Variants in ZNF804B observed in about 807,000 individuals in gnomAD.
The protein encoded by ZNF804B is zinc finger 804B.
Under a neutral mutation model 101.4 loss-of-function variants are expected in ZNF804B, and 80 were observed. The observed-to-expected ratio is 0.79, with a 90% CI of 0.66 to 0.95. ZNF804B has a LOEUF of 0.95. Among genes scored for constraint, ZNF804B ranks in the 40% least tolerant of loss-of-function variants. The pLI, the probability that ZNF804B is intolerant of heterozygous loss-of-function variation, is 0.00. For synonymous variants in ZNF804B, 622 were observed against 558.8 expected (o/e 1.11, Z -1.59); for missense variants, 1,673 against 1,561.9 (o/e 1.07, Z -1.20).
chr7:88,906,489 G>A (rs963557628), intron 1 of ZNF804B, among the ~76,000 whole-genome samples: 1 of 152,034 alleles, frequency 6.6e-6, no homozygotes, highest in Non-Finnish European at 1.5e-5. Context: ...TAATTGTAAT[G>A]TTCACCCAGG....
At chr7:88,790,157 T>C (rs1047415437) in intron 1 of ZNF804B, among the ~76,000 whole-genome samples, 3 of 152,274 alleles carry the variant, frequency 2.0e-5, no homozygotes, top group Admixed American at 1.3e-4. Flanking sequence ...CGCTGTTATA[T>C]GAATATTAAA....
At chr7:88,889,322 G>T (rs1023131531) in intron 1 of ZNF804B, among the ~76,000 whole-genome samples, 2 of 152,062 alleles carry the variant, frequency 1.3e-5, no homozygotes, top group African/African-American at 4.8e-5. Context: ...TAATGAGATT[G>T]CTGGGTCCAA....
At chr7:88,900,930 G>A in intron 1 of ZNF804B, among the ~76,000 whole-genome samples, 1 of 151,560 alleles carries the variant, frequency 6.6e-6, no homozygotes, top group African/African-American at 2.4e-5. Context: ...AATAGCCGTA[G>A]TACATACAGA....
intron 1 of ZNF804B, among the ~76,000 whole-genome samples, chr7:88,803,991 G>A (rs1288470349): frequency 6.6e-6 from 1 of 152,020 alleles, no homozygotes; most frequent in Non-Finnish European, 1.5e-5. Flanking sequence ...GGCTTATGAA[G>A]GTCACTGCAG....
chr7:89,269,052 A>G (rs901828027), intron 2 of ZNF804B, among the ~76,000 whole-genome samples: 11 of 151,708 alleles, frequency 7.3e-5, no homozygotes, highest in Non-Finnish European at 1.3e-4. Context: ...TATTTTTTCA[A>G]ATTAACATGT....
intron 1 of ZNF804B, among the ~76,000 whole-genome samples, chr7:89,153,987 T>G (rs1790917018): frequency 1.3e-5 from 2 of 152,034 alleles, no homozygotes; most frequent in South Asian, 4.1e-4. Flanking sequence ...CATCACCTTT[T>G]AAAAATTATT....
chr7:88,984,898 G>A (rs1410839771), intron 1 of ZNF804B, among the ~76,000 whole-genome samples: 2 of 151,772 alleles, frequency 1.3e-5, no homozygotes. Flanking sequence ...GAGACATGTA[G>A]GCATGCAATA....
At chr7:89,016,243 TGTCAGATGA>T (rs926996023) in intron 1 of ZNF804B, among the ~76,000 whole-genome samples, 1 of 152,206 alleles carries the variant, frequency 6.6e-6, no homozygotes, top group African/African-American at 2.4e-5. Flanking sequence ...ATTAGCGCTT[TGTCAGATGA>T]GTAGGTTGCA....
At chr7:89,178,037 C>T (rs1407852698) in intron 1 of ZNF804B, among the ~76,000 whole-genome samples, 2 of 151,532 alleles carry the variant, frequency 1.3e-5, no homozygotes, top group Admixed American at 1.3e-4. Flanking sequence ...ACATTTTTGT[C>T]TCCTTTTTTG....
intron 1 of ZNF804B, among the ~76,000 whole-genome samples, chr7:88,848,968 G>A (rs558497162): frequency 8.1e-4 from 123 of 152,212 alleles, no homozygotes; most frequent in African/African-American, 2.6e-3. Flanking sequence ...TTTTCCAGCC[G>A]TGTGTTAGAT....
intron 2 of ZNF804B, among the ~76,000 whole-genome samples, chr7:89,305,271 C>T (rs1360967027): frequency 2.0e-5 from 3 of 151,850 alleles, no homozygotes; most frequent in Admixed American, 6.6e-5. Context: ...AAACAGTGGC[C>T]ACCAGTCAAT....
intron 2 of ZNF804B, among the ~76,000 whole-genome samples, chr7:89,273,827 A>G (rs1789935363): frequency 6.6e-6 from 1 of 152,170 alleles, no homozygotes; most frequent in Non-Finnish European, 1.5e-5. Context: ...TAAACAAAAC[A>G]AGGCTTTGGC....
chr7:89,094,428 C>G (rs897707597), intron 1 of ZNF804B, among the ~76,000 whole-genome samples: 4 of 152,050 alleles, frequency 2.6e-5, no homozygotes, highest in Non-Finnish European at 5.9e-5. Flanking sequence ...GAAAGTCTAC[C>G]TTTCTTACGC....
chr7:88,890,875 G>A (rs980994534), intron 1 of ZNF804B, among the ~76,000 whole-genome samples: 1 of 151,874 alleles, frequency 6.6e-6, no homozygotes, highest in Non-Finnish European at 1.5e-5. Flanking sequence ...TACAAATCAT[G>A]CATATGTTAG....
At chr7:89,102,344 C>CTGTTT (rs569257879) in intron 1 of ZNF804B, among the ~76,000 whole-genome samples, 2 of 151,630 alleles carry the variant, frequency 1.3e-5, no homozygotes, top group African/African-American at 2.4e-5. Context: ...GTTTGTTTTT[C>CTGTTT]TGTTTTGTTT....
At chr7:88,955,578 C>T (rs1432735645) in intron 1 of ZNF804B, among the ~76,000 whole-genome samples, 2 of 151,466 alleles carry the variant, frequency 1.3e-5, no homozygotes, top group African/African-American at 2.4e-5. Flanking sequence ...ACATTCTACC[C>T]AAATCTTTAG....
intron 1 of ZNF804B, among the ~76,000 whole-genome samples, chr7:88,944,925 A>G (rs999742988): frequency 1.3e-5 from 2 of 151,418 alleles, no homozygotes; most frequent in African/African-American, 4.8e-5. Flanking sequence ...TATATAAAAC[A>G]TAAAAGATGG....
At chr7:88,884,255 A>C (rs1792086428) in intron 1 of ZNF804B, among the ~76,000 whole-genome samples, 1 of 151,806 alleles carries the variant, frequency 6.6e-6, no homozygotes, top group Non-Finnish European at 1.5e-5. Flanking sequence ...TAGGCTTTAC[A>C]TAAGTAGCCA....
chr7:88,759,941 G>A lies in ZNF804B; in HGVS notation c.-36G>A, dbSNP rs774198702. 1.3e-6 allele frequency: 2 copies of A among 1,580,576 alleles called. No homozygotes were observed. Among genetic ancestry groups the A allele is most frequent in the South Asian group, 2.2e-5 (2 of 90,224 alleles). ...CGCTTTCCACGGCTGGTCGCCTGGT[G>A]AGGAGTTGAGACTCTGCGCCTCCGC... On this transcript the variant is annotated 5_prime_UTR_variant, in exon 1 of 4. Coordinates refer to ENST00000333190, the MANE Select transcript of ZNF804B (RefSeq NM_181646.5).
Sources: allele counts gnomAD v4.1 joint callset (sites outside exome capture counted in the v4.1 genomes callset), GRCh38; gene constraint gnomAD v4.1.1; transcripts MANE v1.5; gene names NCBI Gene and HGNC (gene_info 2026-07-23, HGNC 2026-07-21).